The following ETV6 variants were observed in gnomAD, a reference collection of about 807,000 sequenced individuals.
ETV6 encodes the protein transcription factor ETV6.
ETV6 carries 16 observed loss-of-function variants against 51.1 expected under a neutral mutation model. The observed-to-expected ratio is 0.31, with a 90% CI of 0.21 to 0.48. The LOEUF (loss-of-function observed/expected upper bound fraction) is 0.48. ETV6 is among the 20% of genes least tolerant of loss of function. ETV6 has a pLI of 0.99. For synonymous variants in ETV6, 240 were observed against 224.1 expected (o/e 1.07, Z -0.64); for missense variants, 458 against 594.8 (o/e 0.77, Z 2.39).
At chr12:11,837,194 T>G (rs1946329930) in intron 2 of ETV6, among the ~76,000 whole-genome samples, 1 of 152,014 alleles carries the variant, frequency 6.6e-6, no homozygotes, top group Admixed American at 6.6e-5. Flanking sequence ...CAGTCAGGAG[T>G]CAAAAACAAA....
At chr12:11,845,579 T>G (rs1157899950) in intron 3 of ETV6, among the ~76,000 whole-genome samples, 1 of 152,224 alleles carries the variant, frequency 6.6e-6, no homozygotes, top group Non-Finnish European at 1.5e-5. Context: ...TAAACCAAAT[T>G]TCAAATATTT....
intron 2 of ETV6, among the ~76,000 whole-genome samples, chr12:11,817,090 G>A (rs988200145): frequency 3.3e-5 from 5 of 152,106 alleles, no homozygotes; most frequent in Non-Finnish European, 5.9e-5. Context: ...TGCAAACCCC[G>A]GTTCCAGCAC....
chr12:11,689,026 A>G (rs1239616993), intron 1 of ETV6, among the ~76,000 whole-genome samples: 3 of 152,052 alleles, frequency 2.0e-5, no homozygotes, highest in Non-Finnish European at 4.4e-5. Context: ...TACTGCATCT[A>G]TAACTCTCTT....
intron 1 of ETV6, among the ~76,000 whole-genome samples, chr12:11,732,936 A>G (rs1227908593): frequency 6.6e-6 from 1 of 152,122 alleles, no homozygotes; most frequent in African/African-American, 2.4e-5. Flanking sequence ...TTTGGGGTGA[A>G]AGTGTAGAAA....
At chr12:11,839,348 C>A in intron 3 of ETV6, 44 bp downstream of exon 3, 1 of 1,577,414 alleles carries the variant, frequency 6.3e-7, no homozygotes, top group South Asian at 1.2e-5. Flanking sequence ...TGGAAAGTCT[C>A]TTAGTTAGTG....
chr12:11,856,185 G>A (rs1205926565), intron 4 of ETV6, among the ~76,000 whole-genome samples: 4 of 152,154 alleles, frequency 2.6e-5, no homozygotes, highest in Non-Finnish European at 5.9e-5. Context: ...GAGAAAGCTG[G>A]CTTACTCTGA....
intron 2 of ETV6, among the ~76,000 whole-genome samples, chr12:11,788,518 A>G (rs1945522651): frequency 6.6e-6 from 1 of 152,176 alleles, no homozygotes; most frequent in Non-Finnish European, 1.5e-5. Flanking sequence ...CTGAGCCATC[A>G]TTTCTCTTCT....
At chr12:11,802,634 A>G (rs1176309305) in intron 2 of ETV6, among the ~76,000 whole-genome samples, 1 of 152,212 alleles carries the variant, frequency 6.6e-6, no homozygotes, top group Non-Finnish European at 1.5e-5. Context: ...GTCTTGCAGG[A>G]CGACCAATCT....
intron 4 of ETV6, among the ~76,000 whole-genome samples, chr12:11,855,202 A>T (rs866994892): frequency 2.0e-4 from 30 of 151,396 alleles, no homozygotes; most frequent in African/African-American, 6.8e-4. Context: ...GCTACTTGGG[A>T]GGCTGAGGCA....
intron 1 of ETV6, among the ~76,000 whole-genome samples, chr12:11,699,039 ATGC>A (rs1442815094): frequency 6.6e-6 from 1 of 152,252 alleles, no homozygotes; most frequent in Non-Finnish European, 1.5e-5. Context: ...TTAGAGCACG[ATGC>A]TGCCATGTTC....
intron 1 of ETV6, among the ~76,000 whole-genome samples, chr12:11,746,549 T>A (rs949297951): frequency 1.3e-5 from 2 of 152,198 alleles, no homozygotes; most frequent in African/African-American, 2.4e-5. Context: ...TGTTAAGTAT[T>A]TATATACAAC....
At chr12:11,837,886 T>C (rs1360104194) in intron 2 of ETV6, among the ~76,000 whole-genome samples, 2 of 152,348 alleles carry the variant, frequency 1.3e-5, no homozygotes, top group African/African-American at 4.8e-5. Context: ...CCAAAGAGCT[T>C]TTGCTTATAT....
chr12:11,853,663 T>C lies in ETV6; in HGVS notation c.463+102T>C. 4 of 1,342,888 alleles carry C rather than the reference T, an allele frequency of 3.0e-6. No homozygotes were observed. In the South Asian group the frequency reaches 5.1e-5, roughly 17 times the overall value. 83.2% of individuals were successfully genotyped at this position (1,342,888 alleles called of 1,614,324 possible). ...GGTCTTCTTCGTGTAAGTTCACTTT[T>C]CATTCAGTAGACAATTATTGAGTGC... On this transcript the variant is annotated intron_variant, in intron 4 of 7. Transcript: ENST00000396373.
At chr12:11,736,900 T>C (rs1865711264) in intron 1 of ETV6, among the ~76,000 whole-genome samples, 1 of 152,238 alleles carries the variant, frequency 6.6e-6, no homozygotes, top group Non-Finnish European at 1.5e-5. Context: ...TGAGGCTCAT[T>C]CATTCATTTG....
chr12:11,829,722 A>T (rs1028560872), intron 2 of ETV6, among the ~76,000 whole-genome samples: 1 of 152,212 alleles, frequency 6.6e-6, no homozygotes, highest in Non-Finnish European at 1.5e-5. Flanking sequence ...ATTGACTGTG[A>T]CTTTGGATCT....
In ETV6 at chr12:11,891,110, G is replaced by T; in HGVS notation, c.*64G>T. 1.5e-6 allele frequency: 2 copies of T among 1,346,968 alleles called. No individual in the cohort carries two copies. Among genetic ancestry groups the T allele is most frequent in the South Asian group, 2.4e-5 (2 of 85,076 alleles). 83.4% of individuals were successfully genotyped at this position (1,346,968 alleles called of 1,614,324 possible). On this transcript the variant is annotated 3_prime_UTR_variant, in exon 8 of 8. Coordinates refer to ENST00000396373, the MANE Select transcript of ETV6 (RefSeq NM_001987.5). ...GGAACCCCTGCCCACCAGGATTGCT[G>T]GAAGTGTGACGGAGCAGGCGGGCTG...
At chr12:11,857,936 T>A (rs975506529) in intron 4 of ETV6, among the ~76,000 whole-genome samples, 7 of 152,172 alleles carry the variant, frequency 4.6e-5, no homozygotes, top group African/African-American at 1.7e-4. Context: ...TAAGACATAT[T>A]CCCTTCCCTC....
intron 2 of ETV6, among the ~76,000 whole-genome samples, chr12:11,756,051 C>T (rs1430624756): frequency 2.6e-5 from 4 of 152,138 alleles, no homozygotes; most frequent in African/African-American, 4.8e-5. Flanking sequence ...GAGCTATACC[C>T]AAACTGAAGA....
rs1481056046 is a variant in ETV6 at position 11,854,297 on chromosome 12, A to T, written c.463+736A>T. Among the ~76,000 whole-genome samples the T allele has an allele frequency of 3.3e-5, 5 of 152,206 alleles. No homozygotes were observed. The East Asian group carries it at 7.7e-4, about 23-fold the overall frequency. On this transcript the variant is annotated intron_variant, in intron 4 of 7. Transcript: ENST00000396373. ...TACGAGCAGTGGGGAGCAGCTCTAG[A>T]TACAGATGAAGCTTCACTCACTTGC...
Sources: allele counts gnomAD v4.1 joint callset (sites outside exome capture counted in the v4.1 genomes callset), GRCh38; gene constraint gnomAD v4.1.1; transcripts MANE v1.5; gene names NCBI Gene and HGNC (gene_info 2026-07-23, HGNC 2026-07-21).